Variants in IL1RAPL2 observed in about 807,000 individuals in gnomAD.
IL1RAPL2 encodes interleukin 1 receptor accessory protein like 2.
A neutral mutation model predicts 44.1 loss-of-function variants in IL1RAPL2; 3 were observed. The ratio of observed to expected loss-of-function variants is 0.07; its 90% CI spans 0.03 to 0.18. The LOEUF is 0.18. Ranked by LOEUF, IL1RAPL2 falls within the 10% of genes least tolerant of loss-of-function variation. The pLI, the probability that IL1RAPL2 is intolerant of heterozygous loss-of-function variation, is 1.00. For missense variants in IL1RAPL2, 391 were observed against 496.4 expected (o/e 0.79, Z 2.02); for synonymous variants, 181 against 178.8 (o/e 1.01, Z -0.10).
chrX:104,718,812 TCAGCAAA>T (rs1931625963), intron 2 of IL1RAPL2, among the ~76,000 whole-genome samples: 1 of 111,758 alleles, frequency 8.9e-6, no homozygotes, highest in African/African-American at 3.2e-5. Context: ...AAGTTAAGAG[TCAGCAAA>T]CATTTTTCTG....
chrX:105,479,150 T>C (rs1255785802), intron 5 of IL1RAPL2, among the ~76,000 whole-genome samples: 1 of 109,966 alleles, frequency 9.1e-6, no homozygotes, highest in African/African-American at 3.3e-5. Context: ...AAGGGGGAGG[T>C]CTTAGAGTAT....
At chrX:105,377,552 A>T (rs191588716) in intron 5 of IL1RAPL2, among the ~76,000 whole-genome samples, 1 of 111,802 alleles carries the variant, frequency 8.9e-6, no homozygotes, top group East Asian at 2.8e-4. Flanking sequence ...AAAAAAAATC[A>T]GTAATTTTAA....
chrX:105,709,454 T>A (rs758219107), intron 6 of IL1RAPL2, among the ~76,000 whole-genome samples: 1 of 111,959 alleles, frequency 8.9e-6, no homozygotes, highest in East Asian at 2.8e-4. Context: ...GGACTAAAAG[T>A]GACACAGTTC....
intron 2 of IL1RAPL2, among the ~76,000 whole-genome samples, chrX:104,813,758 G>C (rs1921062204): frequency 9.0e-6 from 1 of 111,504 alleles, no homozygotes; most frequent in African/African-American, 3.3e-5. Flanking sequence ...GACCTCTGCT[G>C]CCAGCTATCC....
intron 1 of IL1RAPL2, among the ~76,000 whole-genome samples, chrX:104,570,221 C>G (rs1371451065): frequency 1.8e-5 from 2 of 112,174 alleles, no homozygotes; most frequent in African/African-American, 3.2e-5. Flanking sequence ...TCTCTGAGAA[C>G]TGTCCCTTGA....
intron 2 of IL1RAPL2, among the ~76,000 whole-genome samples, chrX:104,907,447 T>C (rs772181108): frequency 1.8e-5 from 2 of 111,243 alleles, no homozygotes; most frequent in East Asian, 5.7e-4. Context: ...TTTAGTGCTA[T>C]AAATTTCCCT....
chrX:104,934,017 G>A (rs1056303967), intron 2 of IL1RAPL2, among the ~76,000 whole-genome samples: 3 of 111,607 alleles, frequency 2.7e-5, no homozygotes, highest in African/African-American at 9.8e-5. Flanking sequence ...TATAAAAATG[G>A]GTTTTTAAAG....
In IL1RAPL2 at chrX:105,159,883, T is replaced by C. The variant is rs886790963; in HGVS notation, c.83-35592T>C. Among the ~76,000 whole-genome samples, 4 of 110,735 alleles carry C rather than the reference T, an allele frequency of 3.6e-5. No individual in the cohort carries two copies. In the Admixed American group the frequency reaches 3.9e-4, roughly 11 times the overall value. On this transcript the variant is annotated intron_variant, in intron 2 of 10. Coordinates refer to ENST00000372582, the MANE Select transcript of IL1RAPL2 (RefSeq NM_017416.2). The stretch of plus-strand genomic sequence containing the variant: ...CATTGAATTTGAAGGGAATTTAAAA[T>C]TCGTGTAGCCCAGGCCTTTTTCCTG...
At chrX:104,923,345 G>T (rs1049778651) in intron 2 of IL1RAPL2, among the ~76,000 whole-genome samples, 2 of 111,586 alleles carry the variant, frequency 1.8e-5, no homozygotes, top group Non-Finnish European at 3.8e-5. Flanking sequence ...ACATTGCCAA[G>T]GCATATAGTC....
At chrX:105,158,714 G>A (rs1005453000) in intron 2 of IL1RAPL2, among the ~76,000 whole-genome samples, 2 of 111,830 alleles carry the variant, frequency 1.8e-5, no homozygotes, top group Non-Finnish European at 3.8e-5. Flanking sequence ...AATAAAATAC[G>A]TAAAGTAGAT....
At chrX:104,848,693 T>C (rs915595512) in intron 2 of IL1RAPL2, among the ~76,000 whole-genome samples, 13 of 108,675 alleles carry the variant, frequency 1.2e-4, no homozygotes, top group Non-Finnish European at 2.3e-4. Context: ...TTTTTAGTGA[T>C]AATCTAGGAA....
chrX:104,943,053 C>T (rs1197850536), intron 2 of IL1RAPL2, among the ~76,000 whole-genome samples: 2 of 111,373 alleles, frequency 1.8e-5, no homozygotes, highest in African/African-American at 3.3e-5. Flanking sequence ...CCAACTTGTT[C>T]GTGGTGGATA....
In IL1RAPL2 at chrX:105,406,770, T is replaced by G; in HGVS notation, c.698-77543T>G. 1.0e-5 allele frequency: 12 copies of G among 1,191,912 alleles called. No individual in the cohort carries two copies. In the South Asian group the frequency reaches 2.1e-4, roughly 21 times the overall value. On this transcript the variant is annotated intron_variant, in intron 5 of 10. Coordinates refer to ENST00000372582, the MANE Select transcript of IL1RAPL2 (RefSeq NM_017416.2). ...TGAAACTGTGTAATTTTGAGGATCCTTCTGGTCTTAAAGCCAATTTAGAAG... is the reference window on the plus strand; with the variant it reads ...TGAAACTGTGTAATTTTGAGGATCCGTCTGGTCTTAAAGCCAATTTAGAAG...
intron 5 of IL1RAPL2, among the ~76,000 whole-genome samples, chrX:105,308,402 G>A (rs1246579354): frequency 9.0e-6 from 1 of 111,681 alleles, no homozygotes. Flanking sequence ...TTAAGTATAC[G>A]ACTCAATGAA....
At chrX:105,059,584 GCAGTAGCA>G (rs1225508616) in intron 2 of IL1RAPL2, among the ~76,000 whole-genome samples, 2 of 111,217 alleles carry the variant, frequency 1.8e-5, no homozygotes, top group Non-Finnish European at 3.8e-5. Context: ...ATGCTGGAGT[GCAGTAGCA>G]CAGTCTCGGC....
intron 2 of IL1RAPL2, among the ~76,000 whole-genome samples, chrX:105,065,432 C>G (rs1305816939): frequency 9.0e-6 from 1 of 111,620 alleles, no homozygotes; most frequent in Non-Finnish European, 1.9e-5. Flanking sequence ...GTAAAAAGCA[C>G]TAGTTTCTCC....
At position 105,444,518 on chromosome X, in the gene IL1RAPL2, A is replaced by T. The variant is rs574349727; in HGVS notation, c.698-39795A>T. Among the ~76,000 whole-genome samples the T allele has an allele frequency of 7.2e-5, 8 of 111,691 alleles. No homozygotes were observed. The South Asian group carries it at 2.9e-3, about 41-fold the overall frequency. ...TAATTCATTTTGATTTGATTTTTGT[A>T]TATGGTGAGAGGCATCATGTTTCAT... is the stretch of plus-strand genomic sequence containing the variant. On this transcript the variant is annotated intron_variant, in intron 5 of 10. Coordinates refer to ENST00000372582, the MANE Select transcript of IL1RAPL2 (RefSeq NM_017416.2).
chrX:104,579,563 A>G (rs1928304380), intron 1 of IL1RAPL2, among the ~76,000 whole-genome samples: 1 of 111,576 alleles, frequency 9.0e-6, no homozygotes, highest in African/African-American at 3.3e-5. Flanking sequence ...ACGAGAACAC[A>G]TGGACACAAA....
chrX:104,874,558 A>G (rs1922857082), intron 2 of IL1RAPL2, among the ~76,000 whole-genome samples: 1 of 111,411 alleles, frequency 9.0e-6, no homozygotes, highest in South Asian at 3.8e-4. Flanking sequence ...TTCAAGCTCC[A>G]TTTAGAAACA....
Sources: gnomAD v4.1 joint callset for allele counts (sites outside exome capture counted in the v4.1 genomes callset) on GRCh38, gnomAD v4.1.1 for gene constraint, MANE v1.5 for transcripts, NCBI Gene and HGNC (gene_info 2026-07-23, HGNC 2026-07-21) for gene names.